Variants in LRRFIP2 observed in about 807,000 individuals in gnomAD.
The protein encoded by LRRFIP2 is LRR binding FLII interacting protein 2, also known as leucine-rich repeat flightless-interacting protein 2.
LRRFIP2 carries 109 observed loss-of-function variants against 125.9 expected under a neutral mutation model. That is an observed-to-expected ratio of 0.87 (90% CI 0.74 to 1.01). LRRFIP2 has a LOEUF of 1.01. LRRFIP2 is among the 50% of genes least tolerant of loss of function. The pLI, the probability that LRRFIP2 is intolerant of heterozygous loss-of-function variation, is 0.00. For missense variants in LRRFIP2, 850 were observed against 862.3 expected, an observed-to-expected ratio of 0.99 and a Z score of 0.18; for synonymous variants, 291 against 293.1, an observed-to-expected ratio of 0.99 and a Z score of 0.07.
rs578153393 is a variant in LRRFIP2, at chr3:37,132,441, A to C, written c.91-3292T>G. Among the ~76,000 whole-genome samples the C allele has an allele frequency of 6.9e-4, 105 of 152,354 alleles. No homozygotes were observed. In the Middle Eastern group the frequency reaches 0.01, roughly 15 times the overall value. On this transcript the variant is annotated intron_variant, in intron 2 of 27. Transcript: ENST00000336686. ...GATAATTAAAATCTATTCTTTAATA[A>C]GACATTTTTAACTACAAAAAGGAAA...
At chr3:37,155,114 A>C (rs1308350779) in intron 1 of LRRFIP2, among the ~76,000 whole-genome samples, 2 of 152,246 alleles carry the variant, frequency 1.3e-5, no homozygotes, top group African/African-American at 4.8e-5. Flanking sequence ...AACTGATTGC[A>C]CTACCACTTC....
intron 19 of LRRFIP2, among the ~76,000 whole-genome samples, chr3:37,077,470 T>C (rs1025476793): frequency 6.6e-6 from 1 of 152,178 alleles, no homozygotes; most frequent in Non-Finnish European, 1.5e-5. Context: ...ATACATATAT[T>C]TGTACATATA....
chr3:37,093,593 T>G (rs1324356914), intron 17 of LRRFIP2, among the ~76,000 whole-genome samples: 1 of 152,234 alleles, frequency 6.6e-6, no homozygotes, highest in Non-Finnish European at 1.5e-5. Context: ...ATCCTCACTG[T>G]TGAACCACAG....
chr3:37,131,914 T>C (rs59957641), intron 2 of LRRFIP2, among the ~76,000 whole-genome samples: 2,365 of 152,276 alleles, frequency 0.016, 55 homozygotes, highest in African/African-American at 0.043. Flanking sequence ...ACTATTCCAA[T>C]TGTGGCAATT....
intron 27 of LRRFIP2, 71 bp from the exon 28 acceptor site, chr3:37,054,032 TC>T (rs1559615625): frequency 2.1e-6 from 2 of 938,754 alleles, no homozygotes; most frequent in Admixed American, 3.4e-5. Context: ...ATTTTCAACT[TC>T]CTGGGAAATG....
At chr3:37,154,105 G>A (rs1426454236) in intron 1 of LRRFIP2, among the ~76,000 whole-genome samples, 1 of 152,050 alleles carries the variant, frequency 6.6e-6, no homozygotes, top group Non-Finnish European at 1.5e-5. Context: ...AGCCAAGGGA[G>A]GTCAAGGTTA....
At position 37,174,550 on chromosome 3, in the gene LRRFIP2, T is replaced by C. The variant is rs756394144; in HGVS notation, c.-67A>G. 12 of 152,166 alleles carry C rather than the reference T, an allele frequency of 7.9e-5. No homozygotes were observed. The highest frequency in any genetic ancestry group is 1.8e-4 in the Non-Finnish European group (12 of 68,006). The allele number at this position is 152,166 out of a possible 1,614,324, so 9.4% of individuals were successfully genotyped here. ...GAACATTTTCATACCTTAGTGATGG[T>C]AGCTCTCCTTTCCACTGACATTTAC... On this transcript the variant is annotated 5_prime_UTR_variant, in exon 1 of 28. Coordinates refer to ENST00000336686, the MANE Select transcript of LRRFIP2 (RefSeq NM_006309.4).
chr3:37,058,851 G>A lies in LRRFIP2; in HGVS notation c.1809C>T (p.Gly603=). 1 of 1,613,940 alleles carries A rather than the reference G, an allele frequency of 6.2e-7. No individual in the cohort carries two copies. Among genetic ancestry groups the A allele is most frequent in the Middle Eastern group, 1.7e-4 (1 of 6,060 alleles). Reference sequence around the variant, plus strand: ...GCAGTCCTGCCAGGTCACCCACTGTGCCATCATTCCTGGAGCATTTCTGTC... The same window carrying A: ...GCAGTCCTGCCAGGTCACCCACTGTACCATCATTCCTGGAGCATTTCTGTC... The part of the protein sequence containing the change: ...EERQKCSRND[G]TVGDLAGLQN... Residue 603 remains glycine (G), a synonymous_variant, in exon 25 of 28, where the codon GGC becomes GGT. Transcript: ENST00000336686.
chr3:37,128,653 T>C (rs961851694), intron 3 of LRRFIP2, among the ~76,000 whole-genome samples: 14 of 152,174 alleles, frequency 9.2e-5, no homozygotes, highest in Admixed American at 7.2e-4. Context: ...TCTCATATTC[T>C]TACATATTTT....
intron 16 of LRRFIP2, among the ~76,000 whole-genome samples, chr3:37,095,687 G>A (rs558158704): frequency 6.6e-6 from 1 of 152,130 alleles, no homozygotes; most frequent in South Asian, 2.1e-4. Flanking sequence ...AGGCTGGAGT[G>A]CAGTGGCACA....
intron 2 of LRRFIP2, among the ~76,000 whole-genome samples, chr3:37,148,570 C>T (rs577356532): frequency 6.6e-6 from 1 of 152,346 alleles, no homozygotes; most frequent in South Asian, 2.1e-4. Flanking sequence ...CAATGCATAA[C>T]ATTTCTCTAA....
intron 1 of LRRFIP2, among the ~76,000 whole-genome samples, chr3:37,154,454 T>G (rs1404131696): frequency 6.6e-6 from 1 of 152,208 alleles, no homozygotes; most frequent in African/African-American, 2.4e-5. Context: ...GCACATTAAC[T>G]CCTTCCAGTG....
intron 21 of LRRFIP2, 99 bp downstream of exon 21, chr3:37,072,691 A>G: frequency 1.4e-6 from 1 of 696,696 alleles, no homozygotes; most frequent in Non-Finnish European, 2.5e-6. Context: ...GTAAATGCTC[A>G]AGAAGAATCA....
chr3:37,115,235 G>T, intron 6 of LRRFIP2, 140 bp from the exon 7 acceptor site: 1 of 568,518 alleles, frequency 1.8e-6, no homozygotes, highest in Non-Finnish European at 3.1e-6. Context: ...AGCTAATCCA[G>T]TTGAATTAAA....
intron 19 of LRRFIP2, among the ~76,000 whole-genome samples, chr3:37,082,190 T>C (rs1339653254): frequency 6.6e-6 from 1 of 151,926 alleles, no homozygotes; most frequent in Non-Finnish European, 1.5e-5. Flanking sequence ...GTCCAGAGGC[T>C]CTAGGAAAAG....
In LRRFIP2 at chr3:37,081,087, T is replaced by C. The variant is rs183698839; in HGVS notation, c.1278+2549A>G. Among the ~76,000 whole-genome samples the C allele has an allele frequency of 1.3e-4, 20 of 152,192 alleles. No homozygotes were observed. In the East Asian group the frequency reaches 3.7e-3, roughly 28 times the overall value. ...TTGGGCAATACAGCAAGGCCCCATCTCCACAAAAAGATTTTTAAAAAACAG... is the reference window on the plus strand; with the variant it reads ...TTGGGCAATACAGCAAGGCCCCATCCCCACAAAAAGATTTTTAAAAAACAG... On this transcript the variant is annotated intron_variant, in intron 19 of 27. Coordinates refer to ENST00000336686, the MANE Select transcript of LRRFIP2 (RefSeq NM_006309.4).
chr3:37,083,619 T>C lies in LRRFIP2; in HGVS notation c.1278+17A>G. The C allele has an allele frequency of 6.6e-7, 1 of 1,526,682 alleles. No individual in the cohort carries two copies. Among genetic ancestry groups the C allele is most frequent in the Non-Finnish European group, 8.7e-7 (1 of 1,143,124 alleles). 94.6% of individuals were successfully genotyped at this position (1,526,682 alleles called of 1,614,324 possible). On this transcript the variant is annotated intron_variant, in intron 19 of 27. Transcript: ENST00000336686. ...TTTTATTTTCTGCCCCAAGAGAAAA[T>C]ACAAGATAAGCATTACCTTTGATTT...
At chr3:37,171,624 T>C (rs1004732536) in intron 1 of LRRFIP2, among the ~76,000 whole-genome samples, 2 of 152,156 alleles carry the variant, frequency 1.3e-5, no homozygotes, top group Non-Finnish European at 2.9e-5. Flanking sequence ...AAGTAATCCA[T>C]CAAATAGCAC....
At chr3:37,146,775 GA>G (rs946809191) in intron 2 of LRRFIP2, among the ~76,000 whole-genome samples, 5 of 152,094 alleles carry the variant, frequency 3.3e-5, no homozygotes, top group African/African-American at 1.2e-4. Flanking sequence ...AACCCTAGAA[GA>G]AAATCTAGGC....
Sources: allele counts gnomAD v4.1 joint callset (sites outside exome capture counted in the v4.1 genomes callset), GRCh38; gene constraint gnomAD v4.1.1; transcripts MANE v1.5; gene names NCBI Gene and HGNC (gene_info 2026-07-23, HGNC 2026-07-21).